LRRC37A2: variants seen among roughly 807,000 people sequenced by gnomAD.
LRRC37A2 encodes the protein leucine rich repeat containing 37 member A2.
In LRRC37A2, 9 loss-of-function variants were observed where a neutral mutation model predicts 68.8. The ratio of observed to expected loss-of-function variants is 0.13; its 90% confidence interval spans 0.08 to 0.23. The LOEUF (loss-of-function observed/expected upper bound fraction) is 0.23, where lower values mean the gene tolerates loss of function less well. LRRC37A2 is among the 10% of genes least tolerant of loss of function. The probability of loss-of-function intolerance (pLI) is 1.00; values close to 1 mark genes in which losing one functional copy is unlikely to be tolerated. For missense variants in LRRC37A2, 168 were observed against 950.4 expected, an observed-to-expected ratio of 0.18 and a Z score of 10.82; for synonymous variants, 63 against 367.6, an observed-to-expected ratio of 0.17 and a Z score of 9.48.
chr17:46,403,724 G>T, the LRRC37A2 span, among the ~76,000 whole-genome samples: 1 of 95,228 alleles, frequency 1.1e-5, no homozygotes. Flanking sequence ...TTTGAGATAG[G>T]GTCTCGCTCT....
chr17:46,842,847 T>C, the LRRC37A2 span, among the ~76,000 whole-genome samples: 1 of 152,226 alleles, frequency 6.6e-6, no homozygotes, highest in Admixed American at 6.5e-5. Context: ...TGAATCACAC[T>C]GGAAGATGTC....
the LRRC37A2 span, chr17:46,755,784 T>C: frequency 6.2e-7 from 1 of 1,609,010 alleles, no homozygotes; most frequent in Non-Finnish European, 8.5e-7. Context: ...TTTTTGTGTT[T>C]TGGTATTTCT....
chr17:46,713,061 T>C, the LRRC37A2 span: 1 of 152,260 alleles, frequency 6.6e-6, no homozygotes, highest in South Asian at 2.1e-4. Flanking sequence ...AAGCAGCCAG[T>C]GTAAATAATT....
the LRRC37A2 span, chr17:46,728,946 C>G: frequency 2.0e-6 from 3 of 1,479,490 alleles, no homozygotes; most frequent in African/African-American, 2.8e-5. Context: ...TAAAATAATA[C>G]TACTAATAAG....
the LRRC37A2 span, among the ~76,000 whole-genome samples, chr17:46,753,505 C>T: frequency 6.6e-6 from 1 of 152,008 alleles, no homozygotes; most frequent in Non-Finnish European, 1.5e-5. Flanking sequence ...TTTGTTTAGA[C>T]TTATTCTTGG....
chr17:46,974,578 C>CA, the LRRC37A2 span, among the ~76,000 whole-genome samples: 4 of 152,028 alleles, frequency 2.6e-5, no homozygotes, highest in Non-Finnish European at 5.9e-5. Context: ...ACTAAAAATA[C>CA]AAAAAATTAG....
At chr17:46,980,876 C>A in the LRRC37A2 span, among the ~76,000 whole-genome samples, 2 of 151,888 alleles carry the variant, frequency 1.3e-5, no homozygotes, top group African/African-American at 4.8e-5. Context: ...AAAAAAGAAT[C>A]AAAAAGTACT....
At chr17:46,931,341 C>CTGTG in the LRRC37A2 span, 1 of 690,444 alleles carries the variant, frequency 1.4e-6, no homozygotes, top group South Asian at 1.6e-5. Flanking sequence ...AAGAAAAAGC[C>CTGTG]CCCTCAAAGG....
chr17:46,932,271 C>T, the LRRC37A2 span: 61 of 1,574,224 alleles, frequency 3.9e-5, no homozygotes, highest in African/African-American at 4.1e-5. Context: ...GATCTCTGAG[C>T]GCCATCTGTT....
chr17:46,551,012 CCA>C (rs2056744244), intron 11 of LRRC37A2, among the ~76,000 whole-genome samples: 1 of 149,746 alleles, frequency 6.7e-6, no homozygotes, highest in South Asian at 2.1e-4. Flanking sequence ...CTAAATAGGT[CCA>C]GTTAAAGCAC....
At chr17:46,935,649 T>G in the LRRC37A2 span, 1 of 1,001,096 alleles carries the variant, frequency 1.0e-6, no homozygotes, top group Non-Finnish European at 1.2e-6. Context: ...CCTGGTTGTT[T>G]GCAGTAGATT....
chr17:47,023,747 A>AATTTATGTATTTTTAG, the LRRC37A2 span, among the ~76,000 whole-genome samples: 1 of 152,058 alleles, frequency 6.6e-6, no homozygotes. Context: ...GGTGCCCTCC[A>AATTTATGTATTTTTAG]TCACACCCAG....
At chr17:46,939,405 T>C in the LRRC37A2 span, 16 of 994,982 alleles carry the variant, frequency 1.6e-5, no homozygotes, top group South Asian at 6.2e-4. Context: ...GTGTTTCTCT[T>C]TTCTAAAGTG....
chr17:46,844,763 T>TAG, the LRRC37A2 span, among the ~76,000 whole-genome samples: 2 of 152,212 alleles, frequency 1.3e-5, no homozygotes, highest in East Asian at 3.8e-4. Context: ...TGGCATATTT[T>TAG]TAAACTTCTA....
At chr17:46,755,946 C>A in the LRRC37A2 span, 1 of 898,744 alleles carries the variant, frequency 1.1e-6, no homozygotes, top group Non-Finnish European at 1.7e-6. Context: ...TCAACATGTG[C>A]TCGCTCTGCA....
At chr17:46,960,171 C>T in the LRRC37A2 span, among the ~76,000 whole-genome samples, 2 of 152,144 alleles carry the variant, frequency 1.3e-5, no homozygotes. Flanking sequence ...AATAAGAAAA[C>T]AAGCAACCCA....
At chr17:46,784,698 C>T in the LRRC37A2 span, among the ~76,000 whole-genome samples, 15 of 151,960 alleles carry the variant, frequency 9.9e-5, no homozygotes, top group Non-Finnish European at 2.1e-4. Context: ...GAGGTCCCCA[C>T]GAGATGCACA....
intron 6 of LRRC37A2, among the ~76,000 whole-genome samples, chr17:46,532,172 T>G (rs1043768816): frequency 4.0e-5 from 6 of 149,452 alleles, no homozygotes; most frequent in African/African-American, 1.5e-4. Flanking sequence ...ATGCTGGGAT[T>G]ACAGGCATGA....
the LRRC37A2 span, chr17:46,938,512 G>T: frequency 6.2e-7 from 1 of 1,601,032 alleles, no homozygotes; most frequent in South Asian, 1.1e-5. Flanking sequence ...AATGTCTGTT[G>T]GCAAAGCTCC....
Sources: allele counts gnomAD v4.1 joint callset (sites outside exome capture counted in the v4.1 genomes callset), GRCh38; gene constraint gnomAD v4.1.1; transcripts MANE v1.5; gene names NCBI Gene and HGNC (gene_info 2026-07-23, HGNC 2026-07-21).